The following UBE2E2 variants were observed in gnomAD, a reference collection of about 807,000 sequenced individuals.
UBE2E2 encodes ubiquitin conjugating enzyme E2 E2, also known as ubiquitin-conjugating enzyme E2 E2.
UBE2E2 carries 6 observed loss-of-function variants against 24.7 expected under a neutral mutation model. The ratio of observed to expected loss-of-function variants is 0.24; its 90% CI spans 0.13 to 0.48. UBE2E2 has a LOEUF of 0.48. Ranked by LOEUF, UBE2E2 falls within the 20% of genes least tolerant of loss-of-function variation. The pLI, the probability that UBE2E2 is intolerant of heterozygous loss-of-function variation, is 0.99. For synonymous variants in UBE2E2, 104 were observed against 83.6 expected, an observed-to-expected ratio of 1.24 and a Z score of -1.33; for missense variants, 169 against 245.0, an observed-to-expected ratio of 0.69 and a Z score of 2.07.
At position 23,215,907 on chromosome 3, in the gene UBE2E2, G is replaced by C. The variant is rs572175416; in HGVS notation, c.177-1355G>C. Among the ~76,000 whole-genome samples the C allele has an allele frequency of 1.5e-4, 23 of 152,166 alleles. No individual in the cohort carries two copies. The South Asian group carries it at 4.8e-3, about 32-fold the overall frequency. On this transcript the variant is annotated intron_variant, in intron 2 of 5. Coordinates refer to ENST00000396703, the MANE Select transcript of UBE2E2 (RefSeq NM_152653.4). ...ATATCTTCTCCTATATCAAATCTTT[G>C]AGACTTCTGTCATTTAAATATGGGC...
At chr3:23,317,770 G>A (rs548830846) in intron 3 of UBE2E2, among the ~76,000 whole-genome samples, 3 of 152,014 alleles carry the variant, frequency 2.0e-5, no homozygotes, top group African/African-American at 4.8e-5. Context: ...TCTCTCCCAC[G>A]ACATGTGGGA....
intron 3 of UBE2E2, among the ~76,000 whole-genome samples, chr3:23,430,940 T>G (rs1380249097): frequency 2.6e-5 from 4 of 152,158 alleles, no homozygotes; most frequent in Admixed American, 1.3e-4. Context: ...GAGCTTTCAG[T>G]TGAGTATAGA....
At chr3:23,258,198 G>T (rs1401487653) in intron 3 of UBE2E2, among the ~76,000 whole-genome samples, 1 of 152,156 alleles carries the variant, frequency 6.6e-6, no homozygotes, top group Non-Finnish European at 1.5e-5. Flanking sequence ...ATTTACATTG[G>T]ATTAGAGAGG....
intron 4 of UBE2E2, among the ~76,000 whole-genome samples, chr3:23,510,667 C>G (rs929593314): frequency 2.6e-5 from 4 of 152,002 alleles, no homozygotes; most frequent in African/African-American, 7.2e-5. Context: ...CATACTGATT[C>G]ATATAAGCAT....
chr3:23,453,089 A>G (rs1275660848), intron 3 of UBE2E2, among the ~76,000 whole-genome samples: 1 of 152,180 alleles, frequency 6.6e-6, no homozygotes, highest in African/African-American at 2.4e-5. Context: ...AGCATTTGGC[A>G]GTGGGGAAAT....
intron 3 of UBE2E2, among the ~76,000 whole-genome samples, chr3:23,225,861 A>G (rs957037859): frequency 6.6e-6 from 1 of 150,520 alleles, no homozygotes; most frequent in East Asian, 2.0e-4. Flanking sequence ...GAGCCATTTT[A>G]TAGAAGAAAG....
At chr3:23,329,339 T>C (rs1036726830) in intron 3 of UBE2E2, among the ~76,000 whole-genome samples, 1 of 152,214 alleles carries the variant, frequency 6.6e-6, no homozygotes, top group African/African-American at 2.4e-5. Context: ...CTGTGGGGGA[T>C]AAAATTATAT....
At chr3:23,342,945 G>A (rs1695440006) in intron 3 of UBE2E2, among the ~76,000 whole-genome samples, 1 of 151,910 alleles carries the variant, frequency 6.6e-6, no homozygotes, top group Non-Finnish European at 1.5e-5. Context: ...CTTTTTTGGG[G>A]GTGGGGAACT....
In UBE2E2 at chr3:23,510,142, T is replaced by C. The variant is rs112362606; in HGVS notation, c.360+10402T>C. The stretch of plus-strand genomic sequence containing the variant: ...CTAAAGAAAATGAGACAGAGAGAAA[T>C]GAATGTTCCTAGTTTGCAGCTGTCC... On this transcript the variant is annotated intron_variant, in intron 4 of 5. Coordinates refer to ENST00000396703, the MANE Select transcript of UBE2E2 (RefSeq NM_152653.4). Among the ~76,000 whole-genome samples the C allele has an allele frequency of 4.8e-3, 727 of 152,066 alleles. 6 individuals carry two copies. Among genetic ancestry groups the C allele is most frequent in the African/African-American group, 0.017 (694 of 41,484 alleles).
chr3:23,408,118 A>G (rs1217032929), intron 3 of UBE2E2, among the ~76,000 whole-genome samples: 2 of 152,204 alleles, frequency 1.3e-5, no homozygotes, highest in Non-Finnish European at 2.9e-5. Context: ...GCTGTGTCTA[A>G]TTCTGTATTT....
intron 3 of UBE2E2, among the ~76,000 whole-genome samples, chr3:23,330,572 A>G (rs1361615027): frequency 6.6e-6 from 1 of 152,210 alleles, no homozygotes; most frequent in Admixed American, 6.5e-5. Context: ...CCCCTAATTG[A>G]GTCACTTGAA....
At chr3:23,499,025 G>A (rs1307751078) in intron 3 of UBE2E2, among the ~76,000 whole-genome samples, 2 of 152,178 alleles carry the variant, frequency 1.3e-5, no homozygotes, top group Non-Finnish European at 2.9e-5. Flanking sequence ...GCACCTTCTA[G>A]GGAGGGTAGA....
chr3:23,216,270 A>T (rs1234066467), intron 2 of UBE2E2, among the ~76,000 whole-genome samples: 1 of 152,164 alleles, frequency 6.6e-6, no homozygotes, highest in South Asian at 2.1e-4. Context: ...TACCAATTCT[A>T]TTGGAGGGAT....
intron 5 of UBE2E2, among the ~76,000 whole-genome samples, chr3:23,578,794 G>A (rs1278550995): frequency 2.6e-5 from 4 of 152,142 alleles, no homozygotes; most frequent in Non-Finnish European, 5.9e-5. Flanking sequence ...GGGAAGGGGA[G>A]CATCAGGAAG....
chr3:23,362,935 TG>T (rs1696158094), intron 3 of UBE2E2, among the ~76,000 whole-genome samples: 1 of 45,424 alleles, frequency 2.2e-5, no homozygotes, highest in South Asian at 5.4e-4. Context: ...AGGCTAACAG[TG>T]AAAACAGGCT....
chr3:23,474,588 G>T lies in UBE2E2; in HGVS notation c.228-25020G>T, dbSNP rs1699088578. Among the ~76,000 whole-genome samples the T allele has an allele frequency of 6.6e-6, 1 of 152,040 alleles. No individual in the cohort carries two copies. Among genetic ancestry groups the T allele is most frequent in the Non-Finnish European group, 1.5e-5 (1 of 68,024 alleles). On this transcript the variant is annotated intron_variant, in intron 3 of 5. Transcript: ENST00000396703. This position sits in a 1 kb window ranked among gnomAD's most constrained non-coding sequence, Gnocchi z 4.0. Reference sequence around the variant, plus strand: ...ACCTTCCTCATCTTCATAAATTAAGGATCTGAAAAGTTTAAATTTATATAT... The same window carrying T: ...ACCTTCCTCATCTTCATAAATTAAGTATCTGAAAAGTTTAAATTTATATAT...
intron 3 of UBE2E2, among the ~76,000 whole-genome samples, chr3:23,344,821 TAA>T (rs35630756): frequency 3.1e-4 from 46 of 147,420 alleles, no homozygotes; most frequent in Admixed American, 4.7e-4. Flanking sequence ...CAGTCTGTAT[TAA>T]AAAAAAAAAA....
In UBE2E2 at chr3:23,280,131, A is replaced by C. The variant is rs895811159; in HGVS notation, c.227+62819A>C. Among the ~76,000 whole-genome samples, 4 of 152,228 alleles carry C rather than the reference A, an allele frequency of 2.6e-5. No homozygotes were observed. In the East Asian group the frequency reaches 7.7e-4, roughly 29 times the overall value. On this transcript the variant is annotated intron_variant, in intron 3 of 5. Transcript: ENST00000396703. This position sits in a 1 kb window ranked among gnomAD's most constrained non-coding sequence, Gnocchi z 4.3. ...CTGATATCACATTCTTTTTTGAGGAAGCTTTTATAGAGAAGAAACACTGTG... is the reference window on the plus strand; with the variant it reads ...CTGATATCACATTCTTTTTTGAGGACGCTTTTATAGAGAAGAAACACTGTG...
chr3:23,558,399 T>C lies in UBE2E2; in HGVS notation c.508+25698T>C, dbSNP rs146879505. Among the ~76,000 whole-genome samples, 429 of 152,324 alleles carry C rather than the reference T, an allele frequency of 2.8e-3. 3 individuals are homozygous for C. Among genetic ancestry groups the C allele is most frequent in the Non-Finnish European group, 4.6e-3 (312 of 68,022 alleles). ...GGGCAAACATAGATGTACAGACATA[T>C]CTTTATGTAGTTATGTATATCTTTA... is the stretch of plus-strand genomic sequence containing the variant. On this transcript the variant is annotated intron_variant, in intron 5 of 5. Transcript: ENST00000396703.
Sources: gnomAD v4.1 joint callset for allele counts (sites outside exome capture counted in the v4.1 genomes callset) on GRCh38, gnomAD v4.1.1 for gene constraint, Gnocchi (gnomAD v3.1) non-coding constraint, MANE v1.5 for transcripts, NCBI Gene and HGNC (gene_info 2026-07-23, HGNC 2026-07-21) for gene names.